Variants in PCDHGB4 observed in about 807,000 individuals in gnomAD.
The protein encoded by PCDHGB4 is protocadherin gamma-B4.
PCDHGB4 carries 38 observed loss-of-function variants against 60.5 expected under a neutral mutation model. That is an observed-to-expected ratio of 0.63 (90% CI 0.48 to 0.82). The LOEUF is 0.82. Among genes scored for constraint, PCDHGB4 ranks in the 40% least tolerant of loss-of-function variants. The pLI is 0.00. For missense variants in PCDHGB4, 1,109 were observed against 1,209.6 expected (o/e 0.92, Z 1.23); for synonymous variants, 456 against 509.7 (o/e 0.89, Z 1.42).
intron 1 of PCDHGB4, among the ~76,000 whole-genome samples, chr5:141,447,162 G>A (rs1213550616): frequency 6.6e-6 from 1 of 151,700 alleles, no homozygotes; most frequent in African/African-American, 2.4e-5. Flanking sequence ...TTGTTTAAGC[G>A]GGGTCTTGCT....
At chr5:141,465,047 T>C (rs2099095978) in intron 1 of PCDHGB4, among the ~76,000 whole-genome samples, 1 of 152,088 alleles carries the variant, frequency 6.6e-6, no homozygotes, top group Non-Finnish European at 1.5e-5. Context: ...TGACCCTATA[T>C]ATTTTTTTGA....
intron 1 of PCDHGB4, among the ~76,000 whole-genome samples, chr5:141,461,616 T>A (rs1399885412): frequency 6.6e-6 from 1 of 152,236 alleles, no homozygotes; most frequent in African/African-American, 2.4e-5. Context: ...CAAAGTATTT[T>A]CTAATACACC....
intron 1 of PCDHGB4, among the ~76,000 whole-genome samples, chr5:141,456,625 C>T (rs544550965): frequency 4.6e-5 from 7 of 152,288 alleles, no homozygotes; most frequent in African/African-American, 1.4e-4. Flanking sequence ...AGATTTGCCT[C>T]TTCTTTACTA....
At chr5:141,402,993 T>C (rs762604393) in intron 1 of PCDHGB4, 3 of 1,613,752 alleles carry the variant, frequency 1.9e-6, no homozygotes, top group Non-Finnish European at 2.5e-6. Context: ...GGAAGATTAG[T>C]CCTGCTATGC....
intron 1 of PCDHGB4, chr5:141,398,169 G>T (rs2093619628): frequency 5.4e-6 from 8 of 1,477,440 alleles, no homozygotes; most frequent in Admixed American, 2.6e-5. Flanking sequence ...CTGAGAGGCT[G>T]CCAGTGCTCT....
chr5:141,408,510 A>G (rs1298660421), intron 1 of PCDHGB4: 21 of 1,613,870 alleles, frequency 1.3e-5, no homozygotes, highest in Non-Finnish European at 1.8e-5. Context: ...AGAAGATGTG[A>G]GTTGCAATTG....
chr5:141,460,333 G>A (rs2098986532), intron 1 of PCDHGB4, among the ~76,000 whole-genome samples: 1 of 152,056 alleles, frequency 6.6e-6, no homozygotes, highest in African/African-American at 2.4e-5. Context: ...AACTTATGAT[G>A]ATTTTCTCCT....
rs777924092 is a variant in PCDHGB4 at position 141,487,482 on chromosome 5, A to T, written c.2398-7325A>T. The T allele has an allele frequency of 1.2e-6, 2 of 1,614,164 alleles. No individual in the cohort carries two copies. Among genetic ancestry groups the T allele is most frequent in the South Asian group, 2.2e-5 (2 of 91,086 alleles). ...TTTGTTGATGTGGGAGGCCACTCTCATGGCTGTACACCCTTGGCTTCTGCA... is the reference window on the plus strand; with the variant it reads ...TTTGTTGATGTGGGAGGCCACTCTCTTGGCTGTACACCCTTGGCTTCTGCA... On this transcript the variant is annotated intron_variant, in intron 1 of 3. Coordinates refer to ENST00000519479, the MANE Select transcript of PCDHGB4 (RefSeq NM_003736.4). The surrounding 1 kb of genome is among the most constrained non-coding windows in gnomAD (Gnocchi z 5.0).
At chr5:141,463,034 G>A (rs2099051345) in intron 1 of PCDHGB4, among the ~76,000 whole-genome samples, 2 of 152,112 alleles carry the variant, frequency 1.3e-5, no homozygotes, top group African/African-American at 4.8e-5. Flanking sequence ...ATTAATCTGA[G>A]TGTTCAGCAG....
In PCDHGB4 at chr5:141,412,947, C is replaced by T. The variant is rs930035804; in HGVS notation, c.2397+22666C>T. On this transcript the variant is annotated intron_variant, in intron 1 of 3. Coordinates refer to ENST00000519479, the MANE Select transcript of PCDHGB4 (RefSeq NM_003736.4). ...AGTAACTTCTTAGGACTCTGAGCGC[C>T]GCTGTTCACCTACTAGGAGAGAAAA... is the stretch of plus-strand genomic sequence containing the variant. The T allele has an allele frequency of 2.3e-5, 11 of 475,008 alleles. No individual in the cohort carries two copies. The Middle Eastern group carries it at 2.2e-3, about 94-fold the overall frequency. 29.4% of individuals were successfully genotyped at this position (475,008 alleles called of 1,614,324 possible). A position where few individuals can be genotyped will look rare whatever the true frequency, so the allele number is the denominator to read the frequency against.
chr5:141,388,919 G>T lies in PCDHGB4; in HGVS notation c.1035G>T (p.Val345=). 1 of 1,613,998 alleles carries T rather than the reference G, an allele frequency of 6.2e-7. No individual in the cohort carries two copies. The part of the protein sequence containing the change: ...VIDENDNAPE[V]IFQSLPNLIM... ...ATGAAAATGACAACGCCCCAGAAGT[G>T]ATATTCCAGTCTCTACCCAACCTAA... The change falls in exon 1 of 4, where the codon GTG becomes GTT. Residue 345 remains valine, a synonymous_variant. Coordinates refer to ENST00000519479, the MANE Select transcript of PCDHGB4 (RefSeq NM_003736.4).
chr5:141,429,390 A>T (rs556289214), intron 1 of PCDHGB4, among the ~76,000 whole-genome samples: 3,394 of 150,296 alleles, frequency 0.023, 54 homozygotes, highest in South Asian at 0.043. Context: ...TTTTTTTTAA[A>T]AAAAATTGAG....
chr5:141,431,333 C>T lies in PCDHGB4; in HGVS notation c.2397+41052C>T. 1 of 1,614,058 alleles carries T rather than the reference C, an allele frequency of 6.2e-7. No individual in the cohort carries two copies. Among genetic ancestry groups the T allele is most frequent in the Non-Finnish European group, 8.5e-7 (1 of 1,180,030 alleles). On this transcript the variant is annotated intron_variant, in intron 1 of 3. Coordinates refer to ENST00000519479, the MANE Select transcript of PCDHGB4 (RefSeq NM_003736.4). The surrounding 1 kb of genome is among the most constrained non-coding windows in gnomAD (Gnocchi z 4.8). ...AAATGGAGCCGACGGTAGTAAGTAC[C>T]CCGAATTGGTGCTGAAACGCGCCCT...
At position 141,438,611 on chromosome 5, in the gene PCDHGB4, TATATATATATATATATATATATATACAC is replaced by T. The variant is rs1434670383; in HGVS notation, c.2397+48332_2397+48359del. On this transcript the variant is annotated intron_variant, in intron 1 of 3. Transcript: ENST00000519479. ...ACATACATATATATATATATATATA[TATATATATATATATATATATATATACAC>T]ACACACACACACATATATGTATATA... Among the ~76,000 whole-genome samples the T allele has an allele frequency of 2.7e-3, 107 of 39,370 alleles. 2 individuals are homozygous for T. Among genetic ancestry groups the T allele is most frequent in the Admixed American group, 0.019 (57 of 3,044 alleles). The allele number at this position is 39,370 out of a possible 152,430, so 25.8% of individuals were successfully genotyped here.
chr5:141,431,553 A>T lies in PCDHGB4; in HGVS notation c.2397+41272A>T, dbSNP rs762863300. On this transcript the variant is annotated intron_variant, in intron 1 of 3. Coordinates refer to ENST00000519479, the MANE Select transcript of PCDHGB4 (RefSeq NM_003736.4). The surrounding 1 kb of genome is among the most constrained non-coding windows in gnomAD (Gnocchi z 4.8). Reference sequence around the variant, plus strand: ...TTGGGCACGCAGCTGCTTGTAGTCAACGCTACCGACCCTGACGAAGGAGTC... The same window carrying T: ...TTGGGCACGCAGCTGCTTGTAGTCATCGCTACCGACCCTGACGAAGGAGTC... The T allele has an allele frequency of 1.1e-5, 18 of 1,613,994 alleles. 1 individual carries two copies. Among genetic ancestry groups the T allele is most frequent in the Non-Finnish European group, 3.4e-6 (4 of 1,180,028 alleles).
At chr5:141,428,082 G>C (rs776612130) in intron 1 of PCDHGB4, 2 of 1,609,030 alleles carry the variant, frequency 1.2e-6, no homozygotes, top group Non-Finnish European at 8.5e-7. Flanking sequence ...GGGACACAAC[G>C]CTTGGCTGTC....
chr5:141,475,527 C>G (rs1462406655), intron 1 of PCDHGB4, among the ~76,000 whole-genome samples: 2 of 152,172 alleles, frequency 1.3e-5, no homozygotes, highest in African/African-American at 2.4e-5. Context: ...ATGCTAAATG[C>G]CTCCTTACAA....
At position 141,476,359 on chromosome 5, in the gene PCDHGB4, G is replaced by A; in HGVS notation, c.2398-18448G>A. On this transcript the variant is annotated intron_variant, in intron 1 of 3. Coordinates refer to ENST00000519479, the MANE Select transcript of PCDHGB4 (RefSeq NM_003736.4). This position sits in a 1 kb window ranked among gnomAD's most constrained non-coding sequence, Gnocchi z 7.6. ...GCCGAAGATTCTTTGAGGTGAACCG[G>A]GAGACCGGAGAGATGTTTGTGAACG... The A allele has an allele frequency of 6.2e-7, 1 of 1,614,170 alleles. No individual in the cohort carries two copies. The highest frequency in any genetic ancestry group is 8.5e-7 in the Non-Finnish European group (1 of 1,180,020).
chr5:141,463,927 A>G (rs1454864391), intron 1 of PCDHGB4, among the ~76,000 whole-genome samples: 1 of 152,206 alleles, frequency 6.6e-6, no homozygotes, highest in Non-Finnish European at 1.5e-5. Flanking sequence ...AAATCATTCT[A>G]TATAAATTTA....
Sources: gnomAD v4.1 joint callset for allele counts (sites outside exome capture counted in the v4.1 genomes callset) on GRCh38, gnomAD v4.1.1 for gene constraint, Gnocchi (gnomAD v3.1) non-coding constraint, MANE v1.5 for transcripts, NCBI Gene and HGNC (gene_info 2026-07-23, HGNC 2026-07-21) for gene names.